ROBO2: variants seen among roughly 807,000 people sequenced by gnomAD.
ROBO2 encodes the protein roundabout guidance receptor 2, also known as roundabout homolog 2.
In ROBO2, 53 loss-of-function variants were observed where a neutral mutation model predicts 160.8. The observed-to-expected ratio is 0.33, with a 90% CI of 0.26 to 0.41. The LOEUF (loss-of-function observed/expected upper bound fraction) is 0.41, where lower values mean the gene tolerates loss of function less well. Ranked by LOEUF, ROBO2 falls within the 10% of genes least tolerant of loss-of-function variation. The pLI, the probability that ROBO2 is intolerant of heterozygous loss-of-function variation, is 1.00. For synonymous variants in ROBO2, 664 were observed against 611.7 expected (o/e 1.09, Z -1.26); for missense variants, 1,577 against 1,722.4 (o/e 0.92, Z 1.49).
chr3:76,068,163 G>T (rs902062435), intron 2 of ROBO2, among the ~76,000 whole-genome samples: 5 of 152,150 alleles, frequency 3.3e-5, no homozygotes, highest in Non-Finnish European at 7.3e-5. Flanking sequence ...TAGTTGTTAA[G>T]AGTACAGACT....
chr3:77,060,285 G>A (rs778649298), intron 1 of ROBO2, among the ~76,000 whole-genome samples: 1 of 152,112 alleles, frequency 6.6e-6, no homozygotes, highest in Admixed American at 6.6e-5. Context: ...GGCATTTCAG[G>A]AACAGAGGAG....
At chr3:76,287,318 CAG>C (rs1195675895) in intron 2 of ROBO2, among the ~76,000 whole-genome samples, 3 of 147,138 alleles carry the variant, frequency 2.0e-5, no homozygotes, top group African/African-American at 5.1e-5. Flanking sequence ...TTTTTTGAGA[CAG>C]AGTCTCGCTC....
At chr3:77,325,367 C>T (rs527463261) in intron 2 of ROBO2, among the ~76,000 whole-genome samples, 9 of 152,196 alleles carry the variant, frequency 5.9e-5, no homozygotes, top group African/African-American at 1.9e-4. Context: ...ATGAATGTTA[C>T]CTTATAGAAC....
chr3:77,562,285 A>C (rs2093346459), intron 9 of ROBO2, among the ~76,000 whole-genome samples: 1 of 152,102 alleles, frequency 6.6e-6, no homozygotes, highest in Non-Finnish European at 1.5e-5. Flanking sequence ...TGAGATTCTG[A>C]AAGAGTTCTG....
intron 5 of ROBO2, among the ~76,000 whole-genome samples, chr3:77,515,033 T>C (rs2089858483): frequency 6.6e-6 from 1 of 151,788 alleles, no homozygotes; most frequent in African/African-American, 2.4e-5. Flanking sequence ...ATTGCCTACA[T>C]GTGAAATTAG....
At chr3:76,306,383 A>G (rs1032141722) in intron 2 of ROBO2, among the ~76,000 whole-genome samples, 1 of 152,182 alleles carries the variant, frequency 6.6e-6, no homozygotes, top group Non-Finnish European at 1.5e-5. Flanking sequence ...ACTACCTAGT[A>G]TCAGAGATTA....
intron 2 of ROBO2, among the ~76,000 whole-genome samples, chr3:76,542,478 A>G (rs572335771): frequency 8.1e-4 from 123 of 152,202 alleles, no homozygotes; most frequent in Middle Eastern, 3.4e-3. Flanking sequence ...TGGTCATAGG[A>G]AAGTTGTATC....
intron 2 of ROBO2, among the ~76,000 whole-genome samples, chr3:76,486,072 T>A (rs1452524500): frequency 1.3e-5 from 2 of 152,196 alleles, no homozygotes; most frequent in Non-Finnish European, 2.9e-5. Flanking sequence ...CCAGTAATTA[T>A]AAGATTGTAA....
At chr3:77,530,433 G>T (rs758746782) in intron 6 of ROBO2, among the ~76,000 whole-genome samples, 28 of 151,914 alleles carry the variant, frequency 1.8e-4, no homozygotes, top group Non-Finnish European at 4.1e-4. Context: ...GATGACTCTT[G>T]TGCGATGCAT....
chr3:76,783,683 G>T (rs976061248), intron 2 of ROBO2, among the ~76,000 whole-genome samples: 1 of 150,662 alleles, frequency 6.6e-6, no homozygotes, highest in African/African-American at 2.4e-5. Flanking sequence ...AATGTTATTA[G>T]AATGTCTCGA....
chr3:76,596,822 A>C (rs2086764974), intron 2 of ROBO2, among the ~76,000 whole-genome samples: 2 of 152,158 alleles, frequency 1.3e-5, no homozygotes, highest in South Asian at 4.1e-4. Flanking sequence ...AACAGCTGTC[A>C]TTATAATGCC....
At chr3:77,619,705 C>A (rs140596952) in intron 22 of ROBO2, among the ~76,000 whole-genome samples, 1 of 152,240 alleles carries the variant, frequency 6.6e-6, no homozygotes, top group East Asian at 1.9e-4. Context: ...AACTCCAAGC[C>A]CCCCCATAAT....
intron 2 of ROBO2, among the ~76,000 whole-genome samples, chr3:76,170,931 C>T (rs2106998414): frequency 6.6e-6 from 1 of 152,246 alleles, no homozygotes; most frequent in South Asian, 2.1e-4. Flanking sequence ...CATTGTTAAG[C>T]ACCTTCTGTA....
At chr3:76,039,186 C>T (rs951032123) in intron 2 of ROBO2, among the ~76,000 whole-genome samples, 4 of 151,876 alleles carry the variant, frequency 2.6e-5, no homozygotes, top group African/African-American at 9.7e-5. Context: ...GGTACAGTTT[C>T]CTGTCTTGGC....
chr3:75,909,234 A>C (rs1023828108), intron 1 of ROBO2, among the ~76,000 whole-genome samples: 5 of 152,270 alleles, frequency 3.3e-5, no homozygotes, highest in Admixed American at 2.0e-4. Context: ...TTCTTTCTTA[A>C]GCGGTAATAG....
chr3:77,278,767 G>A (rs1035108359), intron 2 of ROBO2, among the ~76,000 whole-genome samples: 5 of 151,994 alleles, frequency 3.3e-5, no homozygotes, highest in African/African-American at 9.7e-5. Flanking sequence ...CTTTTTTATG[G>A]TGGCTTTCTG....
intron 2 of ROBO2, among the ~76,000 whole-genome samples, chr3:76,406,739 CA>C (rs1482309990): frequency 6.6e-6 from 1 of 151,778 alleles, no homozygotes; most frequent in Non-Finnish European, 1.5e-5. Flanking sequence ...ATTTATGGTC[CA>C]AAAGTGATTT....
At chr3:75,925,038 C>T (rs1028891561) in intron 1 of ROBO2, among the ~76,000 whole-genome samples, 3 of 151,518 alleles carry the variant, frequency 2.0e-5, no homozygotes, top group Non-Finnish European at 4.4e-5. Context: ...TGAGAAACAT[C>T]GAGTAATTAA....
intron 5 of ROBO2, among the ~76,000 whole-genome samples, chr3:77,498,978 A>G (rs1474389534): frequency 6.6e-6 from 1 of 152,230 alleles, no homozygotes; most frequent in East Asian, 1.9e-4. Context: ...CTGGTTCCTA[A>G]AAGTCACAAA....
Sources: gnomAD v4.1 joint callset for allele counts (sites outside exome capture counted in the v4.1 genomes callset) on GRCh38, gnomAD v4.1.1 for gene constraint, MANE v1.5 for transcripts, NCBI Gene and HGNC (gene_info 2026-07-23, HGNC 2026-07-21) for gene names.